Variants in TIMP3 observed in about 807,000 individuals in gnomAD.
TIMP3 encodes metalloproteinase inhibitor 3.
In TIMP3, 11 loss-of-function variants were observed where a neutral mutation model predicts 30.0. The observed-to-expected ratio is 0.37, with a 90% CI of 0.23 to 0.61. TIMP3 has a LOEUF of 0.61. TIMP3 is among the 20% of genes least tolerant of loss of function. The pLI, the probability that TIMP3 is intolerant of heterozygous loss-of-function variation, is 0.70. For missense variants in TIMP3, 181 were observed against 276.8 expected (o/e 0.65, Z 2.45); for synonymous variants, 112 against 111.3 (o/e 1.01, Z -0.04).
chr22:32,845,263 C>G (rs2146217128), intron 1 of TIMP3, among the ~76,000 whole-genome samples: 1 of 152,038 alleles, frequency 6.6e-6, no homozygotes, highest in South Asian at 2.1e-4. Flanking sequence ...GTGATGCAAT[C>G]TCGGCTCACT....
intron 2 of TIMP3, among the ~76,000 whole-genome samples, chr22:32,853,656 G>A (rs1381079886): frequency 6.6e-6 from 1 of 152,202 alleles, no homozygotes; most frequent in Non-Finnish European, 1.5e-5. Flanking sequence ...TTCTAAACCA[G>A]CTTTAACTAC....
intron 1 of TIMP3, among the ~76,000 whole-genome samples, chr22:32,838,636 A>G (rs1470641414): frequency 6.6e-6 from 1 of 152,134 alleles, no homozygotes; most frequent in Non-Finnish European, 1.5e-5. Flanking sequence ...AATATTTTGG[A>G]ACAATGTCGG....
In TIMP3 at chr22:32,829,536, C is replaced by G. The variant is rs575850714; in HGVS notation, c.122-19916C>G. Among the ~76,000 whole-genome samples the G allele has an allele frequency of 5.2e-4, 79 of 152,246 alleles. 1 individual carries two copies. The highest frequency in any genetic ancestry group is 1.6e-4 in the Non-Finnish European group (11 of 68,046). On this transcript the variant is annotated intron_variant, in intron 1 of 4. Transcript: ENST00000266085. ...CATCTAGCCAGCATCCCCACCGCAG[C>G]AGGGCTGCCCGCCTCCTGTTTCGTG...
At chr22:32,859,002 G>C in intron 4 of TIMP3, 178 bp from the exon 5 acceptor site, 1 of 682,278 alleles carries the variant, frequency 1.5e-6, no homozygotes, top group Non-Finnish European at 2.7e-6. Flanking sequence ...GCACTTATCA[G>C]AATGTCTGTT....
intron 1 of TIMP3, among the ~76,000 whole-genome samples, chr22:32,847,084 C>T (rs542037065): frequency 1.3e-5 from 2 of 152,250 alleles, no homozygotes; most frequent in East Asian, 1.9e-4. Flanking sequence ...CCCTCCCACA[C>T]CCCCCGGCCA....
At chr22:32,846,189 A>G (rs2048057416) in intron 1 of TIMP3, among the ~76,000 whole-genome samples, 1 of 152,194 alleles carries the variant, frequency 6.6e-6, no homozygotes, top group South Asian at 2.1e-4. Flanking sequence ...TTAGTAGGCA[A>G]TTCTTGGGTT....
intron 1 of TIMP3, among the ~76,000 whole-genome samples, chr22:32,804,444 C>G (rs1260439891): frequency 6.6e-6 from 1 of 152,238 alleles, no homozygotes. Flanking sequence ...GGGACCCACA[C>G]AACCCCACCA....
At chr22:32,838,694 A>G (rs1016055655) in intron 1 of TIMP3, among the ~76,000 whole-genome samples, 6 of 151,814 alleles carry the variant, frequency 4.0e-5, no homozygotes, top group Non-Finnish European at 5.9e-5. Context: ...TCCTTTTCTG[A>G]GTAACTCTAT....
chr22:32,812,548 C>T (rs980282259), intron 1 of TIMP3, among the ~76,000 whole-genome samples: 12 of 152,128 alleles, frequency 7.9e-5, no homozygotes, highest in African/African-American at 2.2e-4. Flanking sequence ...ACTGAAGAAG[C>T]TGATAGACAA....
chr22:32,856,660 C>T (rs2048376524), intron 2 of TIMP3, among the ~76,000 whole-genome samples: 1 of 152,156 alleles, frequency 6.6e-6, no homozygotes, highest in African/African-American at 2.4e-5. Flanking sequence ...TTTCTTCATG[C>T]TGGGAACATC....
chr22:32,808,667 G>A (rs1175605112), intron 1 of TIMP3, among the ~76,000 whole-genome samples: 1 of 152,046 alleles, frequency 6.6e-6, no homozygotes, highest in East Asian at 1.9e-4. Context: ...ACACCCCCTC[G>A]GTTTTGAACA....
intron 1 of TIMP3, among the ~76,000 whole-genome samples, chr22:32,805,551 TGGA>T (rs930817888): frequency 4.6e-5 from 7 of 152,250 alleles, no homozygotes; most frequent in South Asian, 2.1e-4. Context: ...GCTATCCAGC[TGGA>T]GGAGGGAAGA....
chr22:32,825,226 T>C (rs2047367010), intron 1 of TIMP3, among the ~76,000 whole-genome samples: 1 of 152,112 alleles, frequency 6.6e-6, no homozygotes, highest in African/African-American at 2.4e-5. Flanking sequence ...GAATGCTGCA[T>C]GTAGAGGTCT....
At chr22:32,803,709 T>C (rs2145941098) in intron 1 of TIMP3, among the ~76,000 whole-genome samples, 1 of 152,308 alleles carries the variant, frequency 6.6e-6, no homozygotes, top group East Asian at 1.9e-4. Context: ...GAGTTGCTGC[T>C]GCAGCTGAGT....
At chr22:32,826,877 A>C (rs1159446800) in intron 1 of TIMP3, among the ~76,000 whole-genome samples, 1 of 152,258 alleles carries the variant, frequency 6.6e-6, no homozygotes, top group East Asian at 1.9e-4. Context: ...TGACAACCCT[A>C]GGAGCCTGCT....
At chr22:32,845,173 G>C (rs200325412) in intron 1 of TIMP3, among the ~76,000 whole-genome samples, 1 of 132,626 alleles carries the variant, frequency 7.5e-6, no homozygotes, top group Non-Finnish European at 1.7e-5. Context: ...TGGTGCTTCT[G>C]TACCTTGGAG....
chr22:32,830,673 C>T (rs1190694305), intron 1 of TIMP3, among the ~76,000 whole-genome samples: 1 of 152,190 alleles, frequency 6.6e-6, no homozygotes, highest in African/African-American at 2.4e-5. Context: ...CCCCCGCCCC[C>T]GCAATACCAC....
At chr22:32,809,372 T>C (rs954381300) in intron 1 of TIMP3, among the ~76,000 whole-genome samples, 1 of 152,356 alleles carries the variant, frequency 6.6e-6, no homozygotes, top group South Asian at 2.1e-4. Flanking sequence ...GTCAGTCTGC[T>C]TATCTTTGGT....
chr22:32,833,750 A>G, intron 1 of TIMP3: 1 of 496,456 alleles, frequency 2.0e-6, no homozygotes, highest in Non-Finnish European at 4.0e-6. Flanking sequence ...TCTTCTTTAC[A>G]GGCCTCGATT....
Sources: gnomAD v4.1 joint callset for allele counts (sites outside exome capture counted in the v4.1 genomes callset) on GRCh38, gnomAD v4.1.1 for gene constraint, MANE v1.5 for transcripts, NCBI Gene and HGNC (gene_info 2026-07-23, HGNC 2026-07-21) for gene names.